BPIFB4: variants seen among roughly 807,000 people sequenced by gnomAD.
BPIFB4 encodes BPI fold containing family B member 4, also known as BPI fold-containing family B member 4.
Under a neutral mutation model 69.2 loss-of-function variants are expected in BPIFB4, and 62 were observed. The observed-to-expected ratio is 0.90, with a 90% confidence interval of 0.73 to 1.11. The LOEUF is 1.11. Among genes scored for constraint, BPIFB4 ranks in the 50% least tolerant of loss-of-function variants. BPIFB4 has a pLI of 0.00. For synonymous variants in BPIFB4, 330 were observed against 332.7 expected, an observed-to-expected ratio of 0.99 and a Z score of 0.09; for missense variants, 789 against 792.0, an observed-to-expected ratio of 1.00 and a Z score of 0.04.
chr20:33,083,948 G>A (rs1981340313), intron 5 of BPIFB4, 74 bp downstream of exon 5: 2 of 1,496,950 alleles, frequency 1.3e-6, no homozygotes, highest in Non-Finnish European at 1.8e-6. Context: ...CCTGAAGCTG[G>A]GGTTGCCGGA....
At chr20:33,110,997 G>T (rs1467703092) in intron 17 of BPIFB4, among the ~76,000 whole-genome samples, 1 of 151,862 alleles carries the variant, frequency 6.6e-6, no homozygotes, top group Non-Finnish European at 1.5e-5. Flanking sequence ...TGTATTTTTA[G>T]TAGAGATATG....
intron 17 of BPIFB4, among the ~76,000 whole-genome samples, chr20:33,108,921 C>T (rs1378342626): frequency 1.3e-5 from 2 of 152,084 alleles, no homozygotes; most frequent in Non-Finnish European, 2.9e-5. Context: ...AATTTCCTTG[C>T]CGAAGGAAAT....
intron 17 of BPIFB4, among the ~76,000 whole-genome samples, chr20:33,108,685 T>C (rs1302363341): frequency 1.2e-4 from 19 of 152,080 alleles, no homozygotes; most frequent in Admixed American, 1.2e-3. Flanking sequence ...TACCTACCCA[T>C]AGGGCTGCTT....
intron 7 of BPIFB4, 40 bp from the exon 8 acceptor site, chr20:33,088,916 AGCCCCACATG>A (rs979200392): frequency 6.2e-7 from 1 of 1,611,856 alleles, no homozygotes; most frequent in Non-Finnish European, 8.5e-7. Flanking sequence ...AGCCTTGGTG[AGCCCCACATG>A]GCTGCGAGCC....
intron 16 of BPIFB4, among the ~76,000 whole-genome samples, chr20:33,105,975 T>G (rs890609919): frequency 1.3e-5 from 2 of 152,078 alleles, no homozygotes; most frequent in African/African-American, 2.4e-5. Context: ...CAAAGTGAGC[T>G]CCGTAAAGCA....
In BPIFB4 at chr20:33,090,813, G is replaced by T. The variant is rs144113274; in HGVS notation, c.1143+14G>T. On this transcript the variant is annotated intron_variant, in intron 10 of 17. Coordinates refer to ENST00000375483, the MANE Select transcript of BPIFB4 (RefSeq NM_182519.3). ...CTGGACCTCAACGTGAGTGCCTGGG[G>T]TTCAGGGCAAAGGGTGGTGGCCCTC... is the stretch of plus-strand genomic sequence containing the variant. 2 of 1,613,988 alleles carry T rather than the reference G, an allele frequency of 1.2e-6. No individual in the cohort carries two copies. Among genetic ancestry groups the T allele is most frequent in the East Asian group, 2.2e-5 (1 of 44,884 alleles).
At chr20:33,106,163 C>T (rs1982048996) in intron 16 of BPIFB4, among the ~76,000 whole-genome samples, 2 of 152,194 alleles carry the variant, frequency 1.3e-5, no homozygotes, top group African/African-American at 4.8e-5. Context: ...TCCTACCCCA[C>T]TTCTTTTTCT....
At chr20:33,082,363 C>T (rs545630737) in intron 3 of BPIFB4, among the ~76,000 whole-genome samples, 6 of 151,852 alleles carry the variant, frequency 4.0e-5, no homozygotes, top group Admixed American at 2.6e-4. Context: ...GACGGAGTTT[C>T]GCTCTTGTTG....
intron 6 of BPIFB4, among the ~76,000 whole-genome samples, chr20:33,085,499 C>T (rs1981398367): frequency 6.6e-6 from 1 of 152,184 alleles, no homozygotes; most frequent in Admixed American, 6.5e-5. Context: ...AGTCAGGTGA[C>T]AGCTTGGGTT....
At chr20:33,108,601 ACT>A (rs1252505429) in intron 17 of BPIFB4, among the ~76,000 whole-genome samples, 4 of 151,680 alleles carry the variant, frequency 2.6e-5, no homozygotes, top group Non-Finnish European at 5.9e-5. Context: ...TCAAATCCTA[ACT>A]CTGCCAGTTT....
At chr20:33,110,813 G>GTT (rs1409074801) in intron 17 of BPIFB4, among the ~76,000 whole-genome samples, 48 of 114,208 alleles carry the variant, frequency 4.2e-4, no homozygotes, top group African/African-American at 5.4e-4. Flanking sequence ...TTTTGTTGAA[G>GTT]TTTTTTTTTT....
At chr20:33,085,528 T>C (rs1363363480) in intron 6 of BPIFB4, among the ~76,000 whole-genome samples, 3 of 152,250 alleles carry the variant, frequency 2.0e-5, no homozygotes, top group Non-Finnish European at 4.4e-5. Context: ...GATTCTCTCA[T>C]AAGCTGTGTG....
chr20:33,092,665 C>G lies in BPIFB4; in HGVS notation c.1344+7C>G. Reference sequence around the variant, plus strand: ...GGATATCACCAATGGCATGGTGAGTCACAGCCCCACCAGGGGGAGGTGGCT... The same window carrying G: ...GGATATCACCAATGGCATGGTGAGTGACAGCCCCACCAGGGGGAGGTGGCT... On this transcript the variant is annotated splice_region_variant and intron_variant, in intron 11 of 17. Coordinates refer to ENST00000375483, the MANE Select transcript of BPIFB4 (RefSeq NM_182519.3). 1 of 1,603,220 alleles carries G rather than the reference C, an allele frequency of 6.2e-7. No individual in the cohort carries two copies. The highest frequency in any genetic ancestry group is 8.5e-7 in the Non-Finnish European group (1 of 1,176,070).
At chr20:33,104,614 A>G in intron 15 of BPIFB4, 196 bp from the exon 16 acceptor site, 1 of 559,856 alleles carries the variant, frequency 1.8e-6, no homozygotes, top group Non-Finnish European at 3.2e-6. Context: ...CCATCTGCAC[A>G]ATGTGCAAGT....
At chr20:33,099,510 C>T (rs375975720) in intron 13 of BPIFB4, among the ~76,000 whole-genome samples, 1 of 152,196 alleles carries the variant, frequency 6.6e-6, no homozygotes, top group Admixed American at 6.5e-5. Flanking sequence ...CAGCGCACAG[C>T]TCTGCCTGGC....
At chr20:33,083,065 A>C in intron 4 of BPIFB4, 65 bp downstream of exon 4, 1 of 527,588 alleles carries the variant, frequency 1.9e-6, no homozygotes. Flanking sequence ...GTGGAAGTGG[A>C]GGTGGTGGGG....
chr20:33,085,140 A>T, intron 6 of BPIFB4, 144 bp downstream of exon 6: 2 of 1,439,784 alleles, frequency 1.4e-6, no homozygotes, highest in Non-Finnish European at 1.8e-6. Context: ...CGGTGAAAAC[A>T]GCCTAGCACA....
Position 33,083,566 on chromosome 20 carries a change from T to C in BPIFB4, c.369T>C (p.Tyr123=). The C allele has an allele frequency of 1.2e-6, 2 of 1,614,006 alleles. No homozygotes were observed. The highest frequency in any genetic ancestry group is 2.2e-5 in the South Asian group (2 of 91,068). The part of the protein sequence containing the change: ...GSIRDLRNSG[Y]RSAENAYGGH... Reference sequence around the variant, plus strand: ...TCAGGGACCTCCGAAACAGTGGCTATCGCAGTGCCGAGAATGCATATGGAG... The same window carrying C: ...TCAGGGACCTCCGAAACAGTGGCTACCGCAGTGCCGAGAATGCATATGGAG... Residue 123 remains tyrosine, a synonymous_variant, in exon 5 of 18, where the codon TAT becomes TAC. Coordinates refer to ENST00000375483, the MANE Select transcript of BPIFB4 (RefSeq NM_182519.3).
chr20:33,098,188 C>T (rs922432885), intron 13 of BPIFB4, among the ~76,000 whole-genome samples: 8 of 152,164 alleles, frequency 5.3e-5, no homozygotes, highest in African/African-American at 1.9e-4. Context: ...CAGAGCAGTG[C>T]CTGACATACC....
Sources: allele counts gnomAD v4.1 joint callset (sites outside exome capture counted in the v4.1 genomes callset), GRCh38; gene constraint gnomAD v4.1.1; transcripts MANE v1.5; gene names NCBI Gene and HGNC (gene_info 2026-07-23, HGNC 2026-07-21).